LARP4B: variants seen among roughly 807,000 people sequenced by gnomAD.
LARP4B encodes la-related protein 4B.
In LARP4B, 12 loss-of-function variants were observed where a neutral mutation model predicts 89.8. That is an observed-to-expected ratio of 0.13 (90% confidence interval 0.09 to 0.22). LARP4B has a LOEUF of 0.22. LARP4B is among the 10% of genes least tolerant of loss of function. The probability of loss-of-function intolerance (pLI) is 1.00; values close to 1 mark genes in which losing one functional copy is unlikely to be tolerated. For synonymous variants in LARP4B, 367 were observed against 363.3 expected (o/e 1.01, Z -0.12); for missense variants, 757 against 947.7 (o/e 0.80, Z 2.64).
intron 3 of LARP4B, among the ~76,000 whole-genome samples, chr10:868,239 C>T (rs1208143005): frequency 6.6e-6 from 1 of 152,024 alleles, no homozygotes; most frequent in Non-Finnish European, 1.5e-5. Flanking sequence ...AAGAAACATT[C>T]CATGCAAGCA....
chr10:829,356 C>T (rs1436944839), intron 11 of LARP4B, 29 bp downstream of exon 11: 2 of 1,542,818 alleles, frequency 1.3e-6, no homozygotes, highest in Middle Eastern at 1.7e-4. Context: ...GTGTCTACAA[C>T]ATAAATTCCT....
chr10:937,937 T>G, the LARP4B span, among the ~76,000 whole-genome samples: 1 of 152,104 alleles, frequency 6.6e-6, no homozygotes, highest in Non-Finnish European at 1.5e-5. Context: ...CAGGCTGGAG[T>G]GCAGTGGCGT....
chr10:972,216 C>G, the LARP4B span: 32 of 316,424 alleles, frequency 1.0e-4, no homozygotes, highest in African/African-American at 6.5e-4. Context: ...TTAGTAGAGA[C>G]AGGGTTTTGC....
intron 3 of LARP4B, among the ~76,000 whole-genome samples, chr10:867,642 C>T (rs1271466997): frequency 6.6e-6 from 1 of 152,012 alleles, no homozygotes; most frequent in Admixed American, 6.6e-5. Context: ...GGGCAGATCA[C>T]TTGTGGTCAG....
At chr10:851,823 G>A (rs565445056) in intron 5 of LARP4B, among the ~76,000 whole-genome samples, 1 of 152,230 alleles carries the variant, frequency 6.6e-6, no homozygotes, top group African/African-American at 2.4e-5. Context: ...TCAGCATCTA[G>A]AGAGGCTGAG....
At chr10:892,517 T>C (rs1055578920) in intron 1 of LARP4B, among the ~76,000 whole-genome samples, 2 of 152,216 alleles carry the variant, frequency 1.3e-5, no homozygotes, top group African/African-American at 4.8e-5. Context: ...GTTGGTGACA[T>C]AATGATTTAG....
At chr10:833,276 A>ACTC (rs1833014532) in intron 8 of LARP4B, among the ~76,000 whole-genome samples, 1 of 136,698 alleles carries the variant, frequency 7.3e-6, no homozygotes. Flanking sequence ...AAAAAAAAAA[A>ACTC]AAAAAAAACC....
At chr10:892,120 C>T (rs1836046837) in intron 1 of LARP4B, among the ~76,000 whole-genome samples, 2 of 152,218 alleles carry the variant, frequency 1.3e-5, no homozygotes, top group Non-Finnish European at 2.9e-5. Flanking sequence ...ACACAGCCGA[C>T]CAAGGAGTTG....
chr10:835,178 T>A (rs146574384), intron 8 of LARP4B, among the ~76,000 whole-genome samples: 1 of 152,148 alleles, frequency 6.6e-6, no homozygotes, highest in Non-Finnish European at 1.5e-5. Context: ...ACAGGCTAAG[T>A]GGAACAGAAG....
chr10:925,195 C>G (rs909871728), intron 1 of LARP4B, among the ~76,000 whole-genome samples: 2 of 152,152 alleles, frequency 1.3e-5, no homozygotes, highest in African/African-American at 4.8e-5. Flanking sequence ...TATGGCTTTA[C>G]ATAGAACAAT....
chr10:812,789 A>G lies in LARP4B; in HGVS notation c.*137T>C. ...AAGAGGGGGAGAATCCAACTCACAG[A>G]AGAAAACCAACTTGAGGATCCCACA... On this transcript the variant is annotated 3_prime_UTR_variant, in exon 18 of 18. Coordinates refer to ENST00000316157, the MANE Select transcript of LARP4B (RefSeq NM_015155.3). The G allele has an allele frequency of 1.4e-6, 1 of 724,506 alleles. No individual in the cohort carries two copies. Among genetic ancestry groups the G allele is most frequent in the Non-Finnish European group, 2.0e-6 (1 of 505,090 alleles). 44.9% of individuals were successfully genotyped at this position (724,506 alleles called of 1,614,324 possible). A position where few individuals can be genotyped will look rare whatever the true frequency, so the allele number is the denominator to read the frequency against.
chr10:943,529 A>G, the LARP4B span, among the ~76,000 whole-genome samples: 5 of 152,146 alleles, frequency 3.3e-5, no homozygotes, highest in Admixed American at 6.5e-5. Context: ...TCCTGGGCCC[A>G]GATGATCCTC....
chr10:866,708 T>C (rs1430870095), intron 3 of LARP4B, among the ~76,000 whole-genome samples: 1 of 152,194 alleles, frequency 6.6e-6, no homozygotes, highest in Non-Finnish European at 1.5e-5. Context: ...CTGGCTCCCC[T>C]CAGCTCATGC....
intron 1 of LARP4B, among the ~76,000 whole-genome samples, chr10:890,798 G>C (rs531508772): frequency 5.9e-5 from 9 of 152,222 alleles, no homozygotes; most frequent in African/African-American, 2.2e-4. Flanking sequence ...TAACACACGA[G>C]GGGAGTAGCT....
intron 1 of LARP4B, among the ~76,000 whole-genome samples, chr10:894,681 ATCT>A (rs1836135471): frequency 6.6e-6 from 1 of 152,210 alleles, no homozygotes; most frequent in Non-Finnish European, 1.5e-5. Context: ...ATTTTAAAAG[ATCT>A]TCTTTATAAC....
intron 5 of LARP4B, among the ~76,000 whole-genome samples, chr10:852,485 A>G (rs900010273): frequency 3.9e-5 from 6 of 152,360 alleles, no homozygotes; most frequent in Admixed American, 3.9e-4. Context: ...CCTCATCAAC[A>G]TATAAAGGGC....
At chr10:900,005 A>C (rs1206832108) in intron 1 of LARP4B, among the ~76,000 whole-genome samples, 1 of 152,028 alleles carries the variant, frequency 6.6e-6, no homozygotes, top group East Asian at 1.9e-4. Context: ...ACATAAATTG[A>C]TCAGAAAAAA....
At chr10:948,527 G>A in the LARP4B span, among the ~76,000 whole-genome samples, 2 of 152,228 alleles carry the variant, frequency 1.3e-5, no homozygotes, top group Non-Finnish European at 2.9e-5. Flanking sequence ...GATTACAGGC[G>A]TGAGCCCCCG....
At chr10:836,094 T>A (rs917766670) in intron 8 of LARP4B, among the ~76,000 whole-genome samples, 9 of 152,158 alleles carry the variant, frequency 5.9e-5, no homozygotes, top group Non-Finnish European at 1.0e-4. Flanking sequence ...AGTGCTCTTT[T>A]TCATTATTTA....
Sources: gnomAD v4.1 joint callset for allele counts (sites outside exome capture counted in the v4.1 genomes callset) on GRCh38, gnomAD v4.1.1 for gene constraint, MANE v1.5 for transcripts, NCBI Gene and HGNC (gene_info 2026-07-23, HGNC 2026-07-21) for gene names.